The following XPO4 variants were observed in gnomAD, a reference collection of about 807,000 sequenced individuals.
The protein encoded by XPO4 is exportin-4.
A neutral mutation model predicts 143.0 loss-of-function variants in XPO4; 39 were observed. The observed-to-expected ratio is 0.27, with a 90% CI of 0.21 to 0.36. The LOEUF (loss-of-function observed/expected upper bound fraction) is 0.36, where lower values mean the gene tolerates loss of function less well. Among genes scored for constraint, XPO4 ranks in the 10% least tolerant of loss-of-function variants. The pLI is 1.00. For synonymous variants in XPO4, 439 were observed against 474.0 expected (o/e 0.93, Z 0.96); for missense variants, 907 against 1,348.0 (o/e 0.67, Z 5.12).
chr13:20,881,552 G>A (rs543063322), intron 1 of XPO4, among the ~76,000 whole-genome samples: 42 of 152,208 alleles, frequency 2.8e-4, no homozygotes, highest in Non-Finnish European at 5.6e-4. Flanking sequence ...TTACAGGCAT[G>A]AGCCACCACA....
intron 4 of XPO4, chr13:20,852,460 A>T: frequency 1.0e-6 from 1 of 985,394 alleles, no homozygotes; most frequent in Non-Finnish European, 1.2e-6. Flanking sequence ...GATAATGCAC[A>T]TGGCCATTAG....
intron 2 of XPO4, chr13:20,863,106 C>T (rs2060216243): frequency 2.6e-6 from 3 of 1,164,846 alleles, no homozygotes; most frequent in Non-Finnish European, 3.2e-6. Context: ...TCAACTGTTA[C>T]TTCCAAAGCA....
At chr13:20,785,453 G>A in intron 22 of XPO4, among the ~76,000 whole-genome samples, 1 of 151,930 alleles carries the variant, frequency 6.6e-6, no homozygotes, top group East Asian at 1.9e-4. Flanking sequence ...CGAGTGGATT[G>A]CTTAAGTTCA....
intron 4 of XPO4, 96 bp downstream of exon 4, chr13:20,855,531 A>T (rs2138101041): frequency 8.3e-7 from 1 of 1,204,326 alleles, no homozygotes; most frequent in Non-Finnish European, 1.1e-6. Flanking sequence ...CTTTTTCACT[A>T]TTTTTATGTA....
chr13:20,820,776 G>A (rs758006203), intron 9 of XPO4, among the ~76,000 whole-genome samples: 16 of 151,982 alleles, frequency 1.1e-4, no homozygotes, highest in Non-Finnish European at 5.9e-5. Context: ...AATCATTCTC[G>A]AGTTCTCTAT....
At chr13:20,901,157 T>C (rs909426963) in intron 1 of XPO4, among the ~76,000 whole-genome samples, 3 of 152,148 alleles carry the variant, frequency 2.0e-5, no homozygotes, top group Non-Finnish European at 4.4e-5. Flanking sequence ...ATTAATAAAA[T>C]ATGTAAAGTA....
intron 3 of XPO4, chr13:20,860,010 C>T (rs2060181725): frequency 5.1e-6 from 1 of 197,274 alleles, no homozygotes; most frequent in Non-Finnish European, 9.1e-6. Flanking sequence ...TGACCTGAAG[C>T]TCCCCTGCTG....
chr13:20,870,604 C>T (rs1595148572), intron 1 of XPO4, among the ~76,000 whole-genome samples: 1 of 151,722 alleles, frequency 6.6e-6, no homozygotes, highest in Admixed American at 6.6e-5. Context: ...GTGGCAGGAG[C>T]CTGTAATCCC....
chr13:20,856,511 C>A (rs1489782389), intron 3 of XPO4: 3 of 273,796 alleles, frequency 1.1e-5, no homozygotes, highest in Non-Finnish European at 1.7e-5. Context: ...TATAATCTAG[C>A]CTCTGGAATC....
chr13:20,858,978 A>G (rs888980583), intron 3 of XPO4, among the ~76,000 whole-genome samples: 3 of 151,552 alleles, frequency 2.0e-5, no homozygotes, highest in African/African-American at 4.9e-5. Context: ...GAACCCTACA[A>G]TCAACTCTAC....
intron 9 of XPO4, among the ~76,000 whole-genome samples, chr13:20,816,425 CA>C (rs1220893440): frequency 6.6e-6 from 1 of 152,004 alleles, no homozygotes; most frequent in African/African-American, 2.4e-5. Flanking sequence ...AAAATAAATC[CA>C]CGTCTAGTTA....
In XPO4 at chr13:20,843,032, T is replaced by C. The variant is rs749638973; in HGVS notation, c.590A>G (p.Gln197Arg). ...AACTTCAACAGTTAACATGAAGATC[T>C]GACGAAGGTCTTCTTCCTATAGTCA... ...KRVFQEEDLR[Q>R]IFMLTVEVLQ... Residue 197 changes from glutamine to arginine, a missense_variant, in exon 6 of 23, where the codon CAG (glutamine) becomes CGG (arginine). Transcript: ENST00000255305. The C allele has an allele frequency of 5.0e-6, 8 of 1,610,936 alleles. No homozygotes were observed. Among genetic ancestry groups the C allele is most frequent in the Non-Finnish European group, 6.8e-6 (8 of 1,178,114 alleles).
chr13:20,881,644 A>C (rs2060411161), intron 1 of XPO4, among the ~76,000 whole-genome samples: 1 of 152,216 alleles, frequency 6.6e-6, no homozygotes, highest in African/African-American at 2.4e-5. Context: ...ATAAATATCA[A>C]TAGACTTACT....
In XPO4 at chr13:20,790,303, C is replaced by T. The variant is rs117020481; in HGVS notation, c.2916+159G>A. Among the ~76,000 whole-genome samples the T allele has an allele frequency of 7.2e-5, 11 of 152,302 alleles. No individual in the cohort carries two copies. In the East Asian group the frequency reaches 2.1e-3, roughly 29 times the overall value. The stretch of plus-strand genomic sequence containing the variant: ...AGTAAGGGCCCATGTTACTGAGAAG[C>T]ATGCACAAGTAACCGTTAATGAAAA... On this transcript the variant is annotated intron_variant, in intron 19 of 22. Transcript: ENST00000255305.
At chr13:20,881,245 T>C (rs1367217823) in intron 1 of XPO4, among the ~76,000 whole-genome samples, 3 of 152,098 alleles carry the variant, frequency 2.0e-5, no homozygotes, top group Admixed American at 6.6e-5. Flanking sequence ...ACAATATGAA[T>C]GGCAAATTTT....
At chr13:20,899,900 A>G (rs907826278) in intron 1 of XPO4, among the ~76,000 whole-genome samples, 2 of 152,232 alleles carry the variant, frequency 1.3e-5, no homozygotes, top group Admixed American at 1.3e-4. Flanking sequence ...TTAATAATTG[A>G]CGGAGCATTA....
chr13:20,802,302 C>T (rs191883629), intron 13 of XPO4, among the ~76,000 whole-genome samples: 1 of 152,278 alleles, frequency 6.6e-6, no homozygotes, highest in African/African-American at 2.4e-5. Context: ...AAGCAATCCT[C>T]CCACCTTGGC....
At chr13:20,788,647 C>A in intron 19 of XPO4, 31 bp from the exon 20 acceptor site, 1 of 1,552,442 alleles carries the variant, frequency 6.4e-7, no homozygotes, top group East Asian at 2.3e-5. Flanking sequence ...TATTTGGATG[C>A]TCATTAGTAT....
intron 3 of XPO4, chr13:20,859,970 A>T: frequency 7.2e-6 from 3 of 414,196 alleles, no homozygotes; most frequent in Non-Finnish European, 9.7e-6. Context: ...ATGACAACTA[A>T]ACAGCTCCAC....
Sources: allele counts gnomAD v4.1 joint callset (sites outside exome capture counted in the v4.1 genomes callset), GRCh38; gene constraint gnomAD v4.1.1; transcripts MANE v1.5; gene names NCBI Gene and HGNC (gene_info 2026-07-23, HGNC 2026-07-21).